DCTN6: variants seen among roughly 807,000 people sequenced by gnomAD.
The protein encoded by DCTN6 is dynactin 6.
Under a neutral mutation model 25.8 loss-of-function variants are expected in DCTN6, and 15 were observed. That is an observed-to-expected ratio of 0.58 (90% CI 0.39 to 0.89). The LOEUF is 0.89. DCTN6 is among the 40% of genes least tolerant of loss of function. The pLI is 0.00. For missense variants in DCTN6, 198 were observed against 237.6 expected (o/e 0.83, Z 1.09); for synonymous variants, 64 against 78.3 (o/e 0.82, Z 0.96).
intron 6 of DCTN6, among the ~76,000 whole-genome samples, chr8:30,182,831 C>T (rs889920485): frequency 4.7e-4 from 71 of 152,036 alleles, no homozygotes; most frequent in African/African-American, 1.7e-3. Context: ...GCTTCCACCT[C>T]AGCCTCCTGA....
chr8:30,174,480 ACATACCAT>A (rs1803805054), intron 2 of DCTN6, among the ~76,000 whole-genome samples: 1 of 152,010 alleles, frequency 6.6e-6, no homozygotes. Context: ...CTACAGGCGC[ACATACCAT>A]CATGCCTGGC....
intron 3 of DCTN6, among the ~76,000 whole-genome samples, chr8:30,175,919 A>T (rs1224467386): frequency 6.6e-5 from 10 of 152,214 alleles, no homozygotes. Flanking sequence ...TTTAAAATAC[A>T]TTTGGCACCT....
At chr8:30,175,310 AAGC>A (rs2117593723) in intron 3 of DCTN6, 120 bp downstream of exon 3, 1 of 773,022 alleles carries the variant, frequency 1.3e-6, no homozygotes, top group South Asian at 1.8e-5. Flanking sequence ...AGAGCTAGAG[AAGC>A]ATTAAGGGTC....
At chr8:30,182,897 A>G (rs1803928894) in intron 6 of DCTN6, among the ~76,000 whole-genome samples, 178 bp from the exon 7 acceptor site, 1 of 152,050 alleles carries the variant, frequency 6.6e-6, no homozygotes, top group Non-Finnish European at 1.5e-5. Flanking sequence ...AAATTTTTTT[A>G]GTGACAAGAT....
intron 1 of DCTN6, 58 bp from the exon 2 acceptor site, chr8:30,164,053 T>A: frequency 1.4e-6 from 2 of 1,410,252 alleles, no homozygotes; most frequent in Non-Finnish European, 2.0e-6. Context: ...TCACGGTAGC[T>A]CCTCCAACAG....
chr8:30,171,973 A>AG (rs905503192), intron 2 of DCTN6, among the ~76,000 whole-genome samples: 1 of 152,144 alleles, frequency 6.6e-6, no homozygotes, highest in Non-Finnish European at 1.5e-5. Flanking sequence ...TCTCTAGACA[A>AG]GGGGGGTGGG....
At chr8:30,178,000 A>T (rs1803864179) in intron 4 of DCTN6, among the ~76,000 whole-genome samples, 1 of 152,184 alleles carries the variant, frequency 6.6e-6, no homozygotes, top group Admixed American at 6.5e-5. Flanking sequence ...TTCTTGATTC[A>T]AGAACCCCAG....
chr8:30,170,839 C>G (rs1467578553), intron 2 of DCTN6, among the ~76,000 whole-genome samples: 1 of 151,958 alleles, frequency 6.6e-6, no homozygotes, highest in Non-Finnish European at 1.5e-5. Context: ...GGGGTTTCGC[C>G]ATGTTGCCCG....
At chr8:30,165,481 A>G (rs1803653189) in intron 2 of DCTN6, among the ~76,000 whole-genome samples, 2 of 148,448 alleles carry the variant, frequency 1.3e-5, no homozygotes, top group Non-Finnish European at 3.0e-5. Flanking sequence ...TTTTTTTTCC[A>G]AAAAAAAATC....
intron 2 of DCTN6, among the ~76,000 whole-genome samples, chr8:30,171,707 T>C (rs969718257): frequency 6.6e-6 from 1 of 152,242 alleles, no homozygotes; most frequent in Non-Finnish European, 1.5e-5. Flanking sequence ...CATTTTCTTC[T>C]GTGTCCCAGA....
intron 2 of DCTN6, among the ~76,000 whole-genome samples, chr8:30,167,996 T>A (rs1337928791): frequency 6.6e-6 from 1 of 152,186 alleles, no homozygotes; most frequent in Non-Finnish European, 1.5e-5. Context: ...GAAGTGGTAA[T>A]ACATTTTTAA....
At chr8:30,178,394 C>T (rs562858240) in intron 4 of DCTN6, among the ~76,000 whole-genome samples, 315 of 147,242 alleles carry the variant, frequency 2.1e-3, no homozygotes, top group Non-Finnish European at 3.5e-3. Context: ...ACCCAGGAGG[C>T]GGAGATTGCG....
chr8:30,168,325 A>G (rs1441835593), intron 2 of DCTN6, among the ~76,000 whole-genome samples: 2 of 152,216 alleles, frequency 1.3e-5, no homozygotes, highest in Non-Finnish European at 2.9e-5. Flanking sequence ...TATATTTGGT[A>G]TAAAATGTCT....
chr8:30,162,466 C>CA (rs1305147510), intron 1 of DCTN6, among the ~76,000 whole-genome samples: 2 of 152,178 alleles, frequency 1.3e-5, no homozygotes, highest in Admixed American at 6.5e-5. Context: ...ATTACAAAGA[C>CA]AAAATATCTA....
intron 4 of DCTN6, 58 bp downstream of exon 4, chr8:30,177,272 C>T (rs1309370324): frequency 7.3e-7 from 1 of 1,378,920 alleles, no homozygotes; most frequent in African/African-American, 1.4e-5. Flanking sequence ...GTACCTAAGT[C>T]TTCTCCTGTA....
At chr8:30,157,504 G>T (rs1001617515) in intron 1 of DCTN6, among the ~76,000 whole-genome samples, 9 of 152,178 alleles carry the variant, frequency 5.9e-5, no homozygotes, top group Non-Finnish European at 1.5e-5. Context: ...TGGGTCCAAT[G>T]GTACTTGTGT....
chr8:30,175,202 A>T lies in DCTN6; in HGVS notation c.194+12A>T. 6.2e-7 allele frequency: 1 copy of T among 1,608,768 alleles called. No homozygotes were observed. The highest frequency in any genetic ancestry group is 8.5e-7 in the Non-Finnish European group (1 of 1,175,730). On this transcript the variant is annotated intron_variant, in intron 3 of 6. Coordinates refer to ENST00000221114, the MANE Select transcript of DCTN6 (RefSeq NM_006571.4). ...CTTATCATAAATGCGTAAGACTCTT[A>T]TACATACTGTGAACCAAGTACCATG... is the stretch of plus-strand genomic sequence containing the variant.
chr8:30,156,558 G>A, intron 1 of DCTN6, 152 bp downstream of exon 1: 1 of 913,544 alleles, frequency 1.1e-6, no homozygotes, highest in Admixed American at 2.2e-5. Context: ...CACTGAGGGA[G>A]GGGGCGACGG....
chr8:30,172,705 G>A (rs577936688), intron 2 of DCTN6, among the ~76,000 whole-genome samples: 13 of 152,034 alleles, frequency 8.6e-5, no homozygotes, highest in African/African-American at 2.4e-4. Context: ...CACCCACCTC[G>A]GCCTCCCAAA....
Sources: allele counts gnomAD v4.1 joint callset (sites outside exome capture counted in the v4.1 genomes callset), GRCh38; gene constraint gnomAD v4.1.1; transcripts MANE v1.5; gene names NCBI Gene and HGNC (gene_info 2026-07-23, HGNC 2026-07-21).